The following CNTN5 variants were observed in gnomAD, a reference collection of about 807,000 sequenced individuals.
The protein encoded by CNTN5 is contactin 5.
Under a neutral mutation model 129.1 loss-of-function variants are expected in CNTN5, and 77 were observed. The ratio of observed to expected loss-of-function variants is 0.60; its 90% CI spans 0.50 to 0.72. The LOEUF is 0.72. Ranked by LOEUF, CNTN5 falls within the 30% of genes least tolerant of loss-of-function variation. The probability of loss-of-function intolerance (pLI) is 0.00; values close to 1 mark genes in which losing one functional copy is unlikely to be tolerated. For missense variants in CNTN5, 1,478 were observed against 1,328.8 expected (o/e 1.11, Z -1.75); for synonymous variants, 509 against 465.6 (o/e 1.09, Z -1.20).
intron 2 of CNTN5, among the ~76,000 whole-genome samples, chr11:99,539,331 A>G (rs949168209): frequency 3.3e-5 from 5 of 152,114 alleles, no homozygotes; most frequent in African/African-American, 7.2e-5. Flanking sequence ...TCTTTAAACT[A>G]TTAAACTGAA....
intron 10 of CNTN5, among the ~76,000 whole-genome samples, chr11:100,070,153 C>G (rs1478737968): frequency 1.5e-5 from 2 of 137,830 alleles, no homozygotes; most frequent in East Asian, 4.2e-4. Context: ...GATAACTAAA[C>G]CACTTAAAGT....
chr11:100,175,878 G>A (rs909987846), intron 13 of CNTN5, among the ~76,000 whole-genome samples: 5 of 152,056 alleles, frequency 3.3e-5, no homozygotes, highest in African/African-American at 1.2e-4. Flanking sequence ...GACTTTCATA[G>A]GTCCTGGGCT....
At chr11:99,097,889 G>A (rs568072992) in intron 1 of CNTN5, among the ~76,000 whole-genome samples, 90 of 151,898 alleles carry the variant, frequency 5.9e-4, no homozygotes, top group African/African-American at 2.1e-3. Context: ...TAAGAAAAGT[G>A]GTGAGATAAG....
At chr11:100,213,449 A>G (rs1405135553) in intron 15 of CNTN5, among the ~76,000 whole-genome samples, 3 of 152,168 alleles carry the variant, frequency 2.0e-5, no homozygotes, top group Non-Finnish European at 4.4e-5. Context: ...TATGGTCTCG[A>G]TGATTTTTCA....
At chr11:99,799,810 G>T (rs913082548) in intron 3 of CNTN5, among the ~76,000 whole-genome samples, 1 of 151,898 alleles carries the variant, frequency 6.6e-6, no homozygotes, top group Non-Finnish European at 1.5e-5. Flanking sequence ...GGAAAAAATT[G>T]GGTAGAATTG....
chr11:99,600,581 G>A (rs1172888773), intron 3 of CNTN5, among the ~76,000 whole-genome samples: 1 of 152,072 alleles, frequency 6.6e-6, no homozygotes, highest in African/African-American at 2.4e-5. Flanking sequence ...CTTACCCCTA[G>A]GATAAGTGTT....
chr11:99,620,124 A>G (rs964127049), intron 3 of CNTN5, among the ~76,000 whole-genome samples: 7 of 151,952 alleles, frequency 4.6e-5, no homozygotes, highest in African/African-American at 7.2e-5. Context: ...TAATATTTTT[A>G]TAAGTGCTTA....
At chr11:99,251,791 A>G (rs1462555970) in intron 1 of CNTN5, among the ~76,000 whole-genome samples, 13 of 152,028 alleles carry the variant, frequency 8.6e-5, no homozygotes, top group Admixed American at 7.9e-4. Context: ...TGTTTTCCAT[A>G]CAACGCCTAA....
intron 3 of CNTN5, among the ~76,000 whole-genome samples, chr11:99,786,651 A>G (rs561651948): frequency 8.5e-5 from 13 of 152,338 alleles, no homozygotes; most frequent in Admixed American, 3.9e-4. Context: ...TGGTACCAAA[A>G]CAGACATATA....
chr11:99,089,719 T>G (rs770807335), intron 1 of CNTN5, among the ~76,000 whole-genome samples: 1 of 152,160 alleles, frequency 6.6e-6, no homozygotes, highest in Non-Finnish European at 1.5e-5. Context: ...TAATTAAAGT[T>G]TAGATAGCGA....
chr11:100,343,440 G>A (rs1324537563), intron 23 of CNTN5, among the ~76,000 whole-genome samples: 2 of 151,958 alleles, frequency 1.3e-5, no homozygotes, highest in African/African-American at 4.8e-5. Flanking sequence ...TCCCCACTGA[G>A]AGAACTGCTG....
At chr11:100,345,151 C>T (rs1020880149) in intron 23 of CNTN5, among the ~76,000 whole-genome samples, 2 of 152,116 alleles carry the variant, frequency 1.3e-5, no homozygotes, top group Non-Finnish European at 2.9e-5. Flanking sequence ...ATTTACTTCT[C>T]TCAGTTCTGA....
intron 2 of CNTN5, among the ~76,000 whole-genome samples, chr11:99,505,485 T>G (rs1439581416): frequency 1.3e-5 from 2 of 152,132 alleles, no homozygotes; most frequent in African/African-American, 4.8e-5. Flanking sequence ...CTTAATAAAT[T>G]TTTTTCAACA....
intron 18 of CNTN5, among the ~76,000 whole-genome samples, chr11:100,284,691 T>C (rs1950726824): frequency 1.3e-5 from 2 of 152,220 alleles, no homozygotes; most frequent in Non-Finnish European, 2.9e-5. Context: ...GGAGAAAAGA[T>C]ATAGTTAACT....
chr11:99,209,162 AAG>A (rs1859638454), intron 1 of CNTN5, among the ~76,000 whole-genome samples: 1 of 149,146 alleles, frequency 6.7e-6, no homozygotes, highest in Non-Finnish European at 1.5e-5. Flanking sequence ...AGGATTTAAT[AAG>A]AGAGAAAAAA....
chr11:100,047,126 G>A (rs539332362), intron 9 of CNTN5, among the ~76,000 whole-genome samples: 15 of 152,040 alleles, frequency 9.9e-5, no homozygotes, highest in African/African-American at 3.4e-4. Context: ...AGTGTACAGG[G>A]CGGAAAAACT....
At chr11:99,871,077 A>G (rs994470824) in intron 6 of CNTN5, among the ~76,000 whole-genome samples, 1 of 152,042 alleles carries the variant, frequency 6.6e-6, no homozygotes, top group Non-Finnish European at 1.5e-5. Context: ...AATCAAACCA[A>G]TCTTAGTTAT....
At chr11:99,063,406 G>T (rs1264862011) in intron 1 of CNTN5, among the ~76,000 whole-genome samples, 1 of 151,864 alleles carries the variant, frequency 6.6e-6, no homozygotes, top group Non-Finnish European at 1.5e-5. Context: ...AAATTGTATT[G>T]CTTACTTTGT....
chr11:99,738,924 A>C (rs1033073484), intron 3 of CNTN5, among the ~76,000 whole-genome samples: 5 of 152,192 alleles, frequency 3.3e-5, no homozygotes, highest in Non-Finnish European at 7.3e-5. Context: ...TGTTATACTT[A>C]TGAGAATAAA....
Sources: gnomAD v4.1 joint callset for allele counts (sites outside exome capture counted in the v4.1 genomes callset) on GRCh38, gnomAD v4.1.1 for gene constraint, MANE v1.5 for transcripts, NCBI Gene and HGNC (gene_info 2026-07-23, HGNC 2026-07-21) for gene names.